The following TRNT1 variants were observed in gnomAD, a reference collection of about 807,000 sequenced individuals.
TRNT1 encodes the protein CCA tRNA nucleotidyltransferase 1, mitochondrial.
Under a neutral mutation model 45.6 loss-of-function variants are expected in TRNT1, and 44 were observed. That is an observed-to-expected ratio of 0.97 (90% confidence interval 0.76 to 1.24). The LOEUF is 1.24. Among genes scored for constraint, TRNT1 ranks in the 50% most tolerant of loss-of-function variants. The pLI, the probability that TRNT1 is intolerant of heterozygous loss-of-function variation, is 0.00. For missense variants in TRNT1, 633 were observed against 504.4 expected, an observed-to-expected ratio of 1.25 and a Z score of -2.44; for synonymous variants, 201 against 171.4, an observed-to-expected ratio of 1.17 and a Z score of -1.35.
At chr3:3,129,845 G>T (rs919731677) in intron 2 of TRNT1, 1 of 1,548,620 alleles carries the variant, frequency 6.5e-7, no homozygotes, top group Non-Finnish European at 8.7e-7. Context: ...ACTAACTAGA[G>T]AGCTAGGTTT....
chr3:3,140,610 C>A lies in TRNT1; in HGVS notation c.443C>A (p.Ala148Glu). Residue 148 changes from alanine to glutamate, a missense_variant, in exon 4 of 8, where the codon GCG becomes GAG. Coordinates refer to ENST00000251607, the MANE Select transcript of TRNT1 (RefSeq NM_182916.3). ...VEFTTDWQKDAERRDLTINSM... is the reference protein window; with the variant it reads ...VEFTTDWQKDEERRDLTINSM... ...TTTACAACTGACTGGCAGAAAGATG[C>A]GGAACGCAGAGATCTCACTATAAAT... 1 of 1,614,028 alleles carries A rather than the reference C, an allele frequency of 6.2e-7. No individual in the cohort carries two copies. Among genetic ancestry groups the A allele is most frequent in the Non-Finnish European group, 8.5e-7 (1 of 1,179,964 alleles).
downstream of TRNT1, chr3:3,152,647 G>A: frequency 8.8e-6 from 14 of 1,597,876 alleles, no homozygotes; most frequent in African/African-American, 1.3e-5. Flanking sequence ...TTTATTAAAT[G>A]CTTAGAATTT....
downstream of TRNT1, chr3:3,149,824 T>G (rs1706364579): frequency 6.6e-6 from 1 of 152,134 alleles, no homozygotes; most frequent in African/African-American, 2.4e-5. Flanking sequence ...TACATTTGAG[T>G]AAACATTTAA....
intron 2 of TRNT1, among the ~76,000 whole-genome samples, chr3:3,132,935 G>T (rs1215159968): frequency 6.6e-6 from 1 of 152,080 alleles, no homozygotes; most frequent in Non-Finnish European, 1.5e-5. Context: ...GGCAAGAATG[G>T]AATCTTTTAG....
chr3:3,132,750 A>C (rs1417684477), intron 2 of TRNT1, among the ~76,000 whole-genome samples: 1 of 150,574 alleles, frequency 6.6e-6, no homozygotes, highest in Non-Finnish European at 1.5e-5. Context: ...AAAAACACAA[A>C]AAAAAAACAC....
intron 2 of TRNT1, chr3:3,136,630 A>C (rs1038228156): frequency 1.4e-5 from 6 of 434,690 alleles, no homozygotes; most frequent in Admixed American, 7.8e-5. Context: ...AAGAAAGCAG[A>C]ATTGTTTGAT....
downstream of TRNT1, chr3:3,150,682 C>G: frequency 1.7e-6 from 1 of 602,108 alleles, no homozygotes. Flanking sequence ...TGCTTGTTTC[C>G]TAAAGTATAC....
At chr3:3,144,810 G>A in intron 5 of TRNT1, 100 bp downstream of exon 5, 1 of 1,226,832 alleles carries the variant, frequency 8.2e-7, no homozygotes. Context: ...ACAAAATGGT[G>A]ACATCCCAAA....
chr3:3,140,691 G>A (rs369788366), intron 4 of TRNT1, 43 bp downstream of exon 4: 49 of 1,586,986 alleles, frequency 3.1e-5, no homozygotes, highest in Non-Finnish European at 3.8e-5. Flanking sequence ...CTATCAGAAT[G>A]CCTTCTTTTC....
downstream of TRNT1, chr3:3,150,739 G>T: frequency 1.1e-6 from 1 of 937,778 alleles, no homozygotes. Flanking sequence ...AACCCTCCAA[G>T]TAATGTTATG....
chr3:3,140,305 A>C lies in TRNT1; in HGVS notation c.343-205A>C, dbSNP rs886100974. On this transcript the variant is annotated intron_variant, in intron 3 of 7. Transcript: ENST00000251607. ...TTTAATCATGATGGATTTTTTTTAA[A>C]AAAATCAGTCTTTTGATCTGTTTTT... 1.8e-4 allele frequency among the ~76,000 whole-genome samples: 27 copies of C among 152,164 alleles called. 1 individual carries two copies. The highest frequency in any genetic ancestry group is 3.5e-4 in the Non-Finnish European group (24 of 68,022).
At chr3:3,141,108 G>T (rs766884412) in intron 4 of TRNT1, among the ~76,000 whole-genome samples, 27 of 152,096 alleles carry the variant, frequency 1.8e-4, no homozygotes, top group Non-Finnish European at 2.5e-4. Context: ...AAAATCCCTG[G>T]GTTCAAATTC....
At chr3:3,149,827 A>ACATTTAACCTGATTAGTTTT (rs1163868586), downstream of TRNT1, 1 of 152,154 alleles carries the variant, frequency 6.6e-6, no homozygotes, top group African/African-American at 2.4e-5. Context: ...ATTTGAGTAA[A>ACATTTAACCTGATTAGTTTT]CATTTAACCT....
At chr3:3,152,950 T>G (rs1575079971), downstream of TRNT1, 1 of 311,316 alleles carries the variant, frequency 3.2e-6, no homozygotes, top group South Asian at 3.6e-5. Flanking sequence ...GGCAGTTGAT[T>G]ATTTTGCAGA....
downstream of TRNT1, chr3:3,149,851 G>T (rs1295594521): frequency 1.3e-5 from 2 of 152,230 alleles, no homozygotes; most frequent in African/African-American, 4.8e-5. Flanking sequence ...TAGTTTTAAA[G>T]TAGCAAAGGA....
At position 3,127,009 on chromosome 3, in the gene TRNT1, C is replaced by G. The variant is rs1704619273; in HGVS notation, c.-28+19C>G. 1 of 152,626 alleles carries G rather than the reference C, an allele frequency of 6.6e-6. No homozygotes were observed. The highest frequency in any genetic ancestry group is 1.5e-5 in the Non-Finnish European group (1 of 68,378). 9.5% of individuals were successfully genotyped at this position (152,626 alleles called of 1,614,324 possible). A position where few individuals can be genotyped will look rare whatever the true frequency, so the allele number is the denominator to read the frequency against. On this transcript the variant is annotated intron_variant, in intron 1 of 7. Coordinates refer to ENST00000251607, the MANE Select transcript of TRNT1 (RefSeq NM_182916.3). ...GGGGCCGGTAAGCGGGCGCGCGCCG[C>G]TCAGAGGGGCAGAGTTGGTGGCGTG...
chr3:3,139,501 A>G (rs2126021097), intron 3 of TRNT1, among the ~76,000 whole-genome samples: 1 of 152,304 alleles, frequency 6.6e-6, no homozygotes, highest in East Asian at 1.9e-4. Context: ...CTAAATGCTA[A>G]TATGCTACCT....
At chr3:3,137,540 A>G in intron 3 of TRNT1, 87 bp downstream of exon 3, 1 of 1,165,768 alleles carries the variant, frequency 8.6e-7, no homozygotes, top group Middle Eastern at 2.0e-4. Flanking sequence ...CAAATAACGA[A>G]AAGTCTAATA....
rs1311363349 is a variant in TRNT1, at chr3:3,130,044, C to T, written c.148+856C>T. 9.7e-6 allele frequency: 13 copies of T among 1,346,518 alleles called. No individual in the cohort carries two copies. The Admixed American group carries it at 2.1e-4, about 22-fold the overall frequency. 83.4% of individuals were successfully genotyped at this position (1,346,518 alleles called of 1,614,324 possible). ...TTAGCTAAGTGCCAGTAGCTTCTTG[C>T]TGTTGCCACAGTTTCATTAGTGTTG... On this transcript the variant is annotated intron_variant, in intron 2 of 7. Coordinates refer to ENST00000251607, the MANE Select transcript of TRNT1 (RefSeq NM_182916.3).
Sources: gnomAD v4.1 joint callset for allele counts (sites outside exome capture counted in the v4.1 genomes callset) on GRCh38, gnomAD v4.1.1 for gene constraint, MANE v1.5 for transcripts, NCBI Gene and HGNC (gene_info 2026-07-23, HGNC 2026-07-21) for gene names.